The following NAALADL2 variants were observed in gnomAD, a reference collection of about 807,000 sequenced individuals.
NAALADL2 encodes inactive N-acetylated-alpha-linked acidic dipeptidase-like protein 2.
In NAALADL2, 76 loss-of-function variants were observed where a neutral mutation model predicts 87.2. The observed-to-expected ratio is 0.87, with a 90% confidence interval of 0.72 to 1.05. The LOEUF is 1.05. Ranked by LOEUF, NAALADL2 falls within the 50% of genes least tolerant of loss-of-function variation. The pLI is 0.00. For missense variants in NAALADL2, 1,089 were observed against 945.8 expected (o/e 1.15, Z -1.99); for synonymous variants, 354 against 331.0 (o/e 1.07, Z -0.75).
chr3:174,669,196 C>T (rs912363916), intron 2 of NAALADL2, among the ~76,000 whole-genome samples: 1 of 152,034 alleles, frequency 6.6e-6, no homozygotes, highest in Non-Finnish European at 1.5e-5. Context: ...TTTCATGTGT[C>T]TTTTGGCTGC....
intron 3 of NAALADL2, among the ~76,000 whole-genome samples, chr3:175,244,259 G>C (rs1004258811): frequency 6.6e-6 from 1 of 152,180 alleles, no homozygotes; most frequent in Admixed American, 6.5e-5. Context: ...AAGCTCTCAT[G>C]ATCAGTTTTT....
In NAALADL2 at chr3:174,609,720, G is replaced by A. The variant is rs1457043452; in HGVS notation, c.-115+59083G>A. ...CTCATGGGTAGGAAGAATCAATATC[G>A]TGAAAATGGCCATACTGCCCAAGGT... is the stretch of plus-strand genomic sequence containing the variant. On this transcript the variant is annotated intron_variant, in intron 2 of 3. Transcript: ENST00000434257. Among the ~76,000 whole-genome samples, 12 of 152,224 alleles carry A rather than the reference G, an allele frequency of 7.9e-5. No homozygotes were observed. In the South Asian group the frequency reaches 1.0e-3, roughly 13 times the overall value.
chr3:175,392,211 T>C (rs537644013), intron 5 of NAALADL2, among the ~76,000 whole-genome samples: 1 of 152,344 alleles, frequency 6.6e-6, no homozygotes, highest in Admixed American at 6.5e-5. Context: ...TTTATAACAC[T>C]GAAACTTACA....
At chr3:174,473,872 A>G (rs542440061) in intron 1 of NAALADL2, among the ~76,000 whole-genome samples, 6 of 152,314 alleles carry the variant, frequency 3.9e-5, no homozygotes, top group African/African-American at 1.4e-4. Flanking sequence ...TAATTTATAA[A>G]GAAAAGAGGT....
intron 12 of NAALADL2, among the ~76,000 whole-genome samples, chr3:175,750,286 C>T (rs1238637544): frequency 6.6e-6 from 1 of 152,136 alleles, no homozygotes; most frequent in African/African-American, 2.4e-5. Flanking sequence ...AGAAGATTCC[C>T]TGAGCAAAAG....
intron 1 of NAALADL2, among the ~76,000 whole-genome samples, chr3:175,004,376 CAAAAAAAAAAAAAAAA>C (rs538715061): frequency 0.14 from 4,792 of 34,262 alleles, 229 homozygotes; most frequent in African/African-American, 0.23. Context: ...GAGACTATTT[CAAAAAAAAAAAAAAAA>C]AAAAAAAAAA....
chr3:175,487,754 T>A lies in NAALADL2; in HGVS notation c.1653+15996T>A, dbSNP rs189781487. The A allele has an allele frequency of 1.9e-3, 510 of 271,974 alleles. 5 individuals are homozygous for A. Among genetic ancestry groups the A allele is most frequent in the African/African-American group, 0.011 (478 of 45,200 alleles). The allele number at this position is 271,974 out of a possible 1,614,324, so 16.8% of individuals were successfully genotyped here. ...CTGAACAACTTAATGTAAAGATACA[T>A]TGTAGTAGAAAAATTTACTTGGAAG... is the stretch of plus-strand genomic sequence containing the variant. On this transcript the variant is annotated intron_variant, in intron 9 of 13. Coordinates refer to ENST00000454872, the MANE Select transcript of NAALADL2 (RefSeq NM_207015.3).
intron 5 of NAALADL2, among the ~76,000 whole-genome samples, chr3:175,414,457 C>G (rs1185218666): frequency 6.6e-6 from 1 of 152,080 alleles, no homozygotes; most frequent in African/African-American, 2.4e-5. Flanking sequence ...GATCTATATA[C>G]TTTTTACACC....
intron 9 of NAALADL2, among the ~76,000 whole-genome samples, chr3:175,575,301 T>G (rs1718697569): frequency 6.6e-6 from 1 of 152,132 alleles, no homozygotes; most frequent in Non-Finnish European, 1.5e-5. Flanking sequence ...TGTTATTTAT[T>G]GAGATGGAGC....
At chr3:175,407,630 G>A (rs1235556681) in intron 5 of NAALADL2, among the ~76,000 whole-genome samples, 2 of 152,118 alleles carry the variant, frequency 1.3e-5, no homozygotes, top group East Asian at 1.9e-4. Flanking sequence ...GAGATACTTA[G>A]CACTAGAGGG....
intron 1 of NAALADL2, among the ~76,000 whole-genome samples, chr3:175,065,242 C>G (rs963032041): frequency 6.6e-6 from 1 of 152,122 alleles, no homozygotes; most frequent in Non-Finnish European, 1.5e-5. Flanking sequence ...AGACGCTTAA[C>G]AACCTAGTGC....
At chr3:174,765,153 A>AT (rs1320997997) in intron 3 of NAALADL2, among the ~76,000 whole-genome samples, 9 of 151,362 alleles carry the variant, frequency 5.9e-5, no homozygotes, top group African/African-American at 1.7e-4. Context: ...CGAGAGAGAG[A>AT]GAGAGAGAGA....
intron 1 of NAALADL2, among the ~76,000 whole-genome samples, chr3:175,010,469 T>C (rs1354736014): frequency 6.6e-6 from 1 of 152,164 alleles, no homozygotes; most frequent in Non-Finnish European, 1.5e-5. Flanking sequence ...TGCTTCTGTG[T>C]TACTGCTTCC....
At chr3:174,995,590 C>T (rs1377266100) in intron 1 of NAALADL2, among the ~76,000 whole-genome samples, 1 of 152,094 alleles carries the variant, frequency 6.6e-6, no homozygotes, top group African/African-American at 2.4e-5. Context: ...CTCAATTATG[C>T]TTCTCAGAAT....
intron 4 of NAALADL2, among the ~76,000 whole-genome samples, chr3:175,285,025 C>T (rs1006083081): frequency 2.0e-5 from 3 of 152,078 alleles, no homozygotes; most frequent in East Asian, 3.9e-4. Context: ...ACTTTGCCTC[C>T]CATATTATGT....
intron 2 of NAALADL2, among the ~76,000 whole-genome samples, chr3:175,116,620 G>C (rs145900885): frequency 2.5e-4 from 38 of 152,184 alleles, no homozygotes; most frequent in Non-Finnish European, 4.6e-4. Context: ...CATGCTCATG[G>C]ATAGGAGGAA....
At chr3:174,540,844 A>G (rs1273035884) in intron 1 of NAALADL2, 1 of 152,224 alleles carries the variant, frequency 6.6e-6, no homozygotes, top group East Asian at 1.9e-4. Flanking sequence ...TAAGAACTTT[A>G]CATGTGAGTT....
At chr3:174,588,423 G>T (rs533374912) in intron 2 of NAALADL2, among the ~76,000 whole-genome samples, 2 of 152,208 alleles carry the variant, frequency 1.3e-5, no homozygotes, top group African/African-American at 4.8e-5. Flanking sequence ...CTGGTGAGGA[G>T]CTGCGTTCCT....
chr3:174,614,072 C>G (rs534745013), intron 2 of NAALADL2, among the ~76,000 whole-genome samples: 2 of 152,136 alleles, frequency 1.3e-5, no homozygotes, highest in Non-Finnish European at 2.9e-5. Context: ...AGACAAAGTC[C>G]TCTTCACTTT....
Sources: allele counts gnomAD v4.1 joint callset (sites outside exome capture counted in the v4.1 genomes callset), GRCh38; gene constraint gnomAD v4.1.1; transcripts MANE v1.5; gene names NCBI Gene and HGNC (gene_info 2026-07-23, HGNC 2026-07-21).